EIF4E3: variants seen among roughly 807,000 people sequenced by gnomAD.
The protein encoded by EIF4E3 is eukaryotic translation initiation factor 4E type 3.
Under a neutral mutation model 31.7 loss-of-function variants are expected in EIF4E3, and 26 were observed. The observed-to-expected ratio is 0.82, with a 90% CI of 0.60 to 1.14. EIF4E3 has a LOEUF of 1.14. Ranked by LOEUF, EIF4E3 falls within the 50% of genes most tolerant of loss-of-function variation. EIF4E3 has a pLI of 0.00. For synonymous variants in EIF4E3, 128 were observed against 107.7 expected, an observed-to-expected ratio of 1.19 and a Z score of -1.17; for missense variants, 304 against 270.9, an observed-to-expected ratio of 1.12 and a Z score of -0.86.
At chr3:71,686,733 A>C (rs2048997559) in intron 6 of EIF4E3, among the ~76,000 whole-genome samples, 1 of 152,108 alleles carries the variant, frequency 6.6e-6, no homozygotes, top group African/African-American at 2.4e-5. Flanking sequence ...AGACTATCCA[A>C]AGATCTGTGT....
rs1023280352 is a variant in EIF4E3 at position 71,677,329 on chromosome 3, A to AT, written c.*7352dup. 2.0e-5 allele frequency: 3 copies of AT among 152,110 alleles called. No homozygotes were observed. Among genetic ancestry groups the AT allele is most frequent in the African/African-American group, 7.2e-5 (3 of 41,430 alleles). 9.4% of individuals were successfully genotyped at this position (152,110 alleles called of 1,614,324 possible). A position where few individuals can be genotyped will look rare whatever the true frequency, so the allele number is the denominator to read the frequency against. On this transcript the variant is annotated 3_prime_UTR_variant, in exon 7 of 7. Transcript: ENST00000425534. ...ACCATCGTCTTGTAGGATTCCAGAG[A>AT]TTTTTTTATGCATTCATTAACGAAA... is the stretch of plus-strand genomic sequence containing the variant.
At chr3:71,689,310 T>C (rs796379831) in intron 6 of EIF4E3, among the ~76,000 whole-genome samples, 4 of 152,360 alleles carry the variant, frequency 2.6e-5, no homozygotes, top group African/African-American at 7.2e-5. Flanking sequence ...TCCTTTTCTC[T>C]AACTCTGTTA....
Position 71,677,143 on chromosome 3 carries a change from T to C in EIF4E3, c.*7539A>G, listed in dbSNP as rs2048880725. ...ATGATTTATGCTTGCTAGTTAAATATGCTTATGATTTAAACTTATTTTCTC... is the reference window on the plus strand; with the variant it reads ...ATGATTTATGCTTGCTAGTTAAATACGCTTATGATTTAAACTTATTTTCTC... On this transcript the variant is annotated 3_prime_UTR_variant, in exon 7 of 7. Transcript: ENST00000425534. The C allele has an allele frequency of 6.6e-6, 1 of 152,216 alleles. No homozygotes were observed. The highest frequency in any genetic ancestry group is 6.5e-5 in the Admixed American group (1 of 15,278). 9.4% of individuals were successfully genotyped at this position (152,216 alleles called of 1,614,324 possible).
chr3:71,669,760 A>C, the EIF4E3 span, among the ~76,000 whole-genome samples: 1 of 152,154 alleles, frequency 6.6e-6, no homozygotes, highest in African/African-American at 2.4e-5. Flanking sequence ...CTCTGTCTGG[A>C]GTCTCCACAT....
intron 2 of EIF4E3, among the ~76,000 whole-genome samples, chr3:71,705,958 A>G (rs977646931): frequency 2.6e-5 from 4 of 152,204 alleles, no homozygotes; most frequent in African/African-American, 9.6e-5. Flanking sequence ...CACTGCAACC[A>G]CTGAGGATGC....
At chr3:71,732,200 A>T (rs577028821) in intron 1 of EIF4E3, among the ~76,000 whole-genome samples, 2 of 152,266 alleles carry the variant, frequency 1.3e-5, no homozygotes, top group African/African-American at 4.8e-5. Context: ...TCATATCTCC[A>T]CACTTTTGCC....
intron 4 of EIF4E3, among the ~76,000 whole-genome samples, chr3:71,694,934 T>C (rs571316624): frequency 4.6e-5 from 7 of 152,336 alleles, no homozygotes; most frequent in African/African-American, 1.7e-4. Context: ...GTTTGCTACA[T>C]TCCAAGTGCT....
rs71623920 is a variant in EIF4E3, at chr3:71,684,393, CAA to C, written c.*287_*288del. 8.4e-3 allele frequency: 1,646 copies of C among 196,260 alleles called. No individual in the cohort carries two copies. The highest frequency in any genetic ancestry group is 0.011 in the Non-Finnish European group (1,150 of 104,498). 12.2% of individuals were successfully genotyped at this position (196,260 alleles called of 1,614,324 possible). A position where few individuals can be genotyped will look rare whatever the true frequency, so the allele number is the denominator to read the frequency against. On this transcript the variant is annotated 3_prime_UTR_variant, in exon 7 of 7. Transcript: ENST00000425534. ...AGGCTGAATAAGGAATTTTAAACGG[CAA>C]AAAAAAAAAAAAATCAGAGTGAAAA...
In EIF4E3 at chr3:71,684,602, T is replaced by A; in HGVS notation, c.*80A>T. 1 of 1,568,408 alleles carries A rather than the reference T, an allele frequency of 6.4e-7. No homozygotes were observed. The highest frequency in any genetic ancestry group is 1.7e-5 in the Admixed American group (1 of 58,144). On this transcript the variant is annotated 3_prime_UTR_variant, in exon 7 of 7. Coordinates refer to ENST00000425534, the MANE Select transcript of EIF4E3 (RefSeq NM_001134651.2). ...ATTGACCAGCATCGGCTTCGGCAAGTCTTCTCTTCACTCTCCCTCCTGTTA... is the reference window on the plus strand; with the variant it reads ...ATTGACCAGCATCGGCTTCGGCAAGACTTCTCTTCACTCTCCCTCCTGTTA...
intron 4 of EIF4E3, 111 bp downstream of exon 4, chr3:71,696,349 G>A: frequency 2.6e-6 from 3 of 1,150,330 alleles, no homozygotes; most frequent in South Asian, 2.7e-5. Flanking sequence ...CCCCCAGCCT[G>A]TTTGGGGACT....
At chr3:71,714,328 G>T (rs1372800559) in intron 1 of EIF4E3, among the ~76,000 whole-genome samples, 1 of 149,106 alleles carries the variant, frequency 6.7e-6, no homozygotes, top group East Asian at 1.9e-4. Flanking sequence ...AGGAAAGAAA[G>T]AAAGAAAGAG....
rs1428215718 is a variant in EIF4E3 at position 71,677,443 on chromosome 3, C to G, written c.*7239G>C. On this transcript the variant is annotated 3_prime_UTR_variant, in exon 7 of 7. Coordinates refer to ENST00000425534, the MANE Select transcript of EIF4E3 (RefSeq NM_001134651.2). ...TGCATGGTCTTGGCTTCCAAGAAAACTGTACGTTAGGTGACAAGGCAGAGG... is the reference window on the plus strand; with the variant it reads ...TGCATGGTCTTGGCTTCCAAGAAAAGTGTACGTTAGGTGACAAGGCAGAGG... The G allele has an allele frequency of 6.6e-6, 1 of 152,102 alleles. No individual in the cohort carries two copies. The highest frequency in any genetic ancestry group is 1.5e-5 in the Non-Finnish European group (1 of 68,018). The allele number at this position is 152,102 out of a possible 1,614,324, so 9.4% of individuals were successfully genotyped here. A position where few individuals can be genotyped will look rare whatever the true frequency, so the allele number is the denominator to read the frequency against.
chr3:71,739,953 G>C (rs977419424), intron 1 of EIF4E3, among the ~76,000 whole-genome samples: 4 of 152,112 alleles, frequency 2.6e-5, no homozygotes, highest in African/African-American at 9.7e-5. Flanking sequence ...AGTTGGGAGG[G>C]AGAAATGAGA....
At chr3:71,694,050 T>C (rs2049100902) in intron 4 of EIF4E3, 109 bp from the exon 5 acceptor site, 1 of 1,078,438 alleles carries the variant, frequency 9.3e-7, no homozygotes, top group Non-Finnish European at 1.3e-6. Flanking sequence ...ACATGCACTT[T>C]CTGTGCCCAT....
In EIF4E3 at chr3:71,719,087, T is replaced by C. The variant is rs116009399; in HGVS notation, c.176+6105A>G. Among the ~76,000 whole-genome samples, 427 of 152,270 alleles carry C rather than the reference T, an allele frequency of 2.8e-3. 4 individuals are homozygous for C. The highest frequency in any genetic ancestry group is 0.01 in the Middle Eastern group (3 of 294). On this transcript the variant is annotated intron_variant, in intron 1 of 6. Coordinates refer to ENST00000425534, the MANE Select transcript of EIF4E3 (RefSeq NM_001134651.2). ...AGATTTGTTATTATGGAACACACCA[T>C]TGGAATGTATTTTGAAGTACTGCAC... is the stretch of plus-strand genomic sequence containing the variant.
intron 1 of EIF4E3, among the ~76,000 whole-genome samples, chr3:71,736,986 T>G (rs1181328061): frequency 6.6e-6 from 1 of 152,304 alleles, no homozygotes; most frequent in East Asian, 1.9e-4. Context: ...GAAAGTCTAT[T>G]AAAGAAAAAT....
rs1192346565 is a variant in EIF4E3 at position 71,677,917 on chromosome 3, A to T, written c.*6765T>A. 2 of 152,194 alleles carry T rather than the reference A, an allele frequency of 1.3e-5. No homozygotes were observed. The highest frequency in any genetic ancestry group is 4.8e-5 in the African/African-American group (2 of 41,458). 9.4% of individuals were successfully genotyped at this position (152,194 alleles called of 1,614,324 possible). ...ATTCTAAAACGGAACCATTCTTAAT[A>T]GAGGGTAAAGAAAAAGAATTAAAAT... On this transcript the variant is annotated 3_prime_UTR_variant, in exon 7 of 7. Coordinates refer to ENST00000425534, the MANE Select transcript of EIF4E3 (RefSeq NM_001134651.2).
intron 3 of EIF4E3, among the ~76,000 whole-genome samples, chr3:71,698,997 C>T (rs2049177735): frequency 6.6e-6 from 1 of 152,092 alleles, no homozygotes; most frequent in South Asian, 2.1e-4. Context: ...GAGGTGGGCA[C>T]ATTGCTGGAG....
chr3:71,725,063 A>C lies in EIF4E3; in HGVS notation c.176+129T>G. ...GGCGAGTCCCGGGGTGCGCAGGCGGACGCGCGGAGGGGCCGAGGTCTGTGC... is the reference window on the plus strand; with the variant it reads ...GGCGAGTCCCGGGGTGCGCAGGCGGCCGCGCGGAGGGGCCGAGGTCTGTGC... On this transcript the variant is annotated intron_variant, in intron 1 of 6. Coordinates refer to ENST00000425534, the MANE Select transcript of EIF4E3 (RefSeq NM_001134651.2). This position sits in a 1 kb window ranked among gnomAD's most constrained non-coding sequence, Gnocchi z 6.1. The C allele has an allele frequency of 1.5e-5, 10 of 688,314 alleles. No homozygotes were observed. The highest frequency in any genetic ancestry group is 1.8e-5 in the Non-Finnish European group (10 of 555,050). The allele number at this position is 688,314 out of a possible 1,614,324, so 42.6% of individuals were successfully genotyped here. A position where few individuals can be genotyped will look rare whatever the true frequency, so the allele number is the denominator to read the frequency against.
Sources: gnomAD v4.1 joint callset for allele counts (sites outside exome capture counted in the v4.1 genomes callset) on GRCh38, gnomAD v4.1.1 for gene constraint, Gnocchi (gnomAD v3.1) non-coding constraint, MANE v1.5 for transcripts, NCBI Gene and HGNC (gene_info 2026-07-23, HGNC 2026-07-21) for gene names.